PCDHA3: variants seen among roughly 807,000 people sequenced by gnomAD.
PCDHA3 encodes protocadherin alpha-3.
In PCDHA3, 41 loss-of-function variants were observed where a neutral mutation model predicts 62.2. The observed-to-expected ratio is 0.66, with a 90% CI of 0.51 to 0.86. PCDHA3 has a LOEUF of 0.86. PCDHA3 is among the 40% of genes least tolerant of loss of function. The probability of loss-of-function intolerance (pLI) is 0.00; values close to 1 mark genes in which losing one functional copy is unlikely to be tolerated. For synonymous variants in PCDHA3, 640 were observed against 555.4 expected, an observed-to-expected ratio of 1.15 and a Z score of -2.14; for missense variants, 1,304 against 1,241.2, an observed-to-expected ratio of 1.05 and a Z score of -0.76.
intron 1 of PCDHA3, among the ~76,000 whole-genome samples, chr5:140,908,023 A>G (rs797031285): frequency 5.9e-5 from 9 of 152,314 alleles, no homozygotes; most frequent in Admixed American, 2.6e-4. Context: ...GCTACAGCCC[A>G]TTAATCAGTA....
At chr5:140,813,872 A>G (rs1362049525) in intron 1 of PCDHA3, 3 of 152,298 alleles carry the variant, frequency 2.0e-5, no homozygotes, top group African/African-American at 7.2e-5. Context: ...GGTGACACAC[A>G]CTTGTAGTTC....
intron 1 of PCDHA3, among the ~76,000 whole-genome samples, chr5:140,958,881 A>G (rs565016962): frequency 2.0e-5 from 3 of 152,092 alleles, no homozygotes; most frequent in Non-Finnish European, 2.9e-5. Flanking sequence ...AGAATTGACC[A>G]GTAGCTATAT....
intron 1 of PCDHA3, chr5:140,927,539 A>G (rs1554204701): frequency 6.2e-7 from 1 of 1,614,112 alleles, no homozygotes; most frequent in Non-Finnish European, 8.5e-7. Flanking sequence ...CGCTCAGGAG[A>G]CGCACAAGTC....
chr5:140,840,974 G>T (rs1202525007), intron 1 of PCDHA3, among the ~76,000 whole-genome samples: 1 of 152,020 alleles, frequency 6.6e-6, no homozygotes, highest in Non-Finnish European at 1.5e-5. Flanking sequence ...TTATGAAGAA[G>T]AAATCCCTAG....
intron 1 of PCDHA3, chr5:140,807,832 T>C: frequency 6.2e-7 from 1 of 1,614,186 alleles, no homozygotes; most frequent in South Asian, 1.1e-5. Flanking sequence ...TCACAGCCAC[T>C]GATGGAGGCA....
chr5:140,927,412 G>A, intron 1 of PCDHA3: 1 of 1,614,122 alleles, frequency 6.2e-7, no homozygotes, highest in African/African-American at 1.3e-5. Context: ...CCTGGACATG[G>A]GATCGCGGGT....
chr5:140,805,110 A>G (rs782802687), intron 1 of PCDHA3: 118 of 1,590,126 alleles, frequency 7.4e-5, no homozygotes, highest in Non-Finnish European at 9.9e-5. Context: ...ACTATTGTCT[A>G]ACAAGACTCT....
chr5:140,819,524 G>T (rs1446749236), intron 1 of PCDHA3, among the ~76,000 whole-genome samples: 2 of 152,068 alleles, frequency 1.3e-5, no homozygotes, highest in Non-Finnish European at 2.9e-5. Flanking sequence ...AACTGGATCA[G>T]TCAAGAAAAT....
At chr5:140,836,147 C>T in intron 1 of PCDHA3, 1 of 1,613,754 alleles carries the variant, frequency 6.2e-7, no homozygotes, top group African/African-American at 1.3e-5. Flanking sequence ...TGGGCGCGGG[C>T]CATGTGGTGG....
At chr5:140,811,949 T>C (rs1764997000) in intron 1 of PCDHA3, 2 of 152,210 alleles carry the variant, frequency 1.3e-5, no homozygotes, top group South Asian at 4.1e-4. Flanking sequence ...ATTCTGTAGG[T>C]TGCCTGTTCA....
chr5:140,863,010 A>ACGCCTGGTTGT (rs782452232), intron 1 of PCDHA3: 1 of 552,120 alleles, frequency 1.8e-6, no homozygotes, highest in African/African-American at 1.9e-5. Context: ...TCCAGCTATG[A>ACGCCTGGTTGT]CGCCTGGTTG....
intron 1 of PCDHA3, among the ~76,000 whole-genome samples, chr5:140,925,279 C>T (rs1477579286): frequency 6.6e-6 from 1 of 152,058 alleles, no homozygotes; most frequent in African/African-American, 2.4e-5. Context: ...TCAGATTTTG[C>T]CTTTCAAATG....
chr5:140,946,387 T>C (rs1168775484), intron 1 of PCDHA3, among the ~76,000 whole-genome samples: 3 of 151,786 alleles, frequency 2.0e-5, no homozygotes, highest in African/African-American at 7.3e-5. Context: ...TTGGTAGGAA[T>C]GTAAATTAGT....
intron 1 of PCDHA3, chr5:140,814,776 G>T (rs1400006527): frequency 2.0e-5 from 3 of 152,064 alleles, no homozygotes; most frequent in African/African-American, 4.8e-5. Context: ...GTCTGTTATT[G>T]GTTGAAACGT....
At chr5:140,900,557 G>A (rs1006880033) in intron 1 of PCDHA3, among the ~76,000 whole-genome samples, 1 of 152,160 alleles carries the variant, frequency 6.6e-6, no homozygotes, top group African/African-American at 2.4e-5. Context: ...GATTACAGGC[G>A]TGAGCCACGG....
chr5:140,970,227 A>T (rs186622858), intron 1 of PCDHA3, among the ~76,000 whole-genome samples: 190 of 152,300 alleles, frequency 1.2e-3, no homozygotes, highest in African/African-American at 4.2e-3. Flanking sequence ...GCAGCCTGTA[A>T]TCTTCTGATT....
In PCDHA3 at chr5:140,944,181, G is replaced by A. The variant is rs112665762; in HGVS notation, c.2395-34768G>A. 4.3e-3 allele frequency among the ~76,000 whole-genome samples: 661 copies of A among 151,992 alleles called. 7 individuals are homozygous for A. Among genetic ancestry groups the A allele is most frequent in the African/African-American group, 0.015 (616 of 41,488 alleles). On this transcript the variant is annotated intron_variant, in intron 1 of 3. Coordinates refer to ENST00000522353, the MANE Select transcript of PCDHA3 (RefSeq NM_018906.3). ...AAAGGGCCAAGGCTGGTTTTTTGTTGGTTTGTTTTGTTTTGTTTTGTTTTT... is the reference window on the plus strand; with the variant it reads ...AAAGGGCCAAGGCTGGTTTTTTGTTAGTTTGTTTTGTTTTGTTTTGTTTTT...
At chr5:140,931,951 G>A (rs1366094994) in intron 1 of PCDHA3, among the ~76,000 whole-genome samples, 1 of 151,826 alleles carries the variant, frequency 6.6e-6, no homozygotes, top group Non-Finnish European at 1.5e-5. Flanking sequence ...GAGTCTTACA[G>A]AATCATGTTG....
intron 1 of PCDHA3, among the ~76,000 whole-genome samples, chr5:140,900,367 T>C (rs1554189080): frequency 6.6e-6 from 1 of 152,152 alleles, no homozygotes; most frequent in Non-Finnish European, 1.5e-5. Context: ...AACCTCTGCC[T>C]CCTGGGTTCA....
Sources: gnomAD v4.1 joint callset for allele counts (sites outside exome capture counted in the v4.1 genomes callset) on GRCh38, gnomAD v4.1.1 for gene constraint, MANE v1.5 for transcripts, NCBI Gene and HGNC (gene_info 2026-07-23, HGNC 2026-07-21) for gene names.